The following FAAH2 variants were observed in gnomAD, a reference collection of about 807,000 sequenced individuals.
FAAH2 encodes fatty-acid amide hydrolase 2.
In FAAH2, 60 loss-of-function variants were observed where a neutral mutation model predicts 36.9. The observed-to-expected ratio is 1.63, with a 90% confidence interval of 1.32 to 2.02. The LOEUF (loss-of-function observed/expected upper bound fraction) is 2.02. FAAH2 is among the 30% of genes most tolerant of loss of function. The pLI, the probability that FAAH2 is intolerant of heterozygous loss-of-function variation, is 0.00. For synonymous variants in FAAH2, 214 were observed against 143.8 expected, an observed-to-expected ratio of 1.49 and a Z score of -3.49; for missense variants, 689 against 397.5, an observed-to-expected ratio of 1.73 and a Z score of -6.23.
intron 5 of FAAH2, among the ~76,000 whole-genome samples, chrX:57,344,597 C>T (rs2053771358): frequency 9.0e-6 from 1 of 111,297 alleles, no homozygotes; most frequent in Non-Finnish European, 1.9e-5. Flanking sequence ...TGCCTAAATG[C>T]TCTGGCTAGG....
chrX:57,322,427 CT>C (rs1325199798), intron 3 of FAAH2, among the ~76,000 whole-genome samples: 40 of 111,312 alleles, frequency 3.6e-4, no homozygotes, highest in African/African-American at 1.0e-3. Flanking sequence ...TAGCCTTTAA[CT>C]TTTTTTTCTT....
the FAAH2 span, among the ~76,000 whole-genome samples, chrX:57,177,746 A>G: frequency 1.9e-5 from 2 of 105,168 alleles, no homozygotes; most frequent in African/African-American, 6.9e-5. Flanking sequence ...AGGGAAAAGA[A>G]GTCTACTTCT....
At chrX:57,221,409 C>T in the FAAH2 span, among the ~76,000 whole-genome samples, 1 of 111,034 alleles carries the variant, frequency 9.0e-6, no homozygotes, top group African/African-American at 3.3e-5. Flanking sequence ...GACACCACAC[C>T]CCTGTCCACA....
the FAAH2 span, among the ~76,000 whole-genome samples, chrX:57,123,567 G>A: frequency 8.9e-6 from 1 of 112,063 alleles, no homozygotes; most frequent in Non-Finnish European, 1.9e-5. Flanking sequence ...AGAACCCTGA[G>A]GAATCGCCAC....
chrX:57,469,439 G>A (rs1249125242), intron 10 of FAAH2, among the ~76,000 whole-genome samples: 1 of 110,930 alleles, frequency 9.0e-6, no homozygotes, highest in Non-Finnish European at 1.9e-5. Flanking sequence ...AAAAGGCAGG[G>A]GTTGCAATCC....
At chrX:57,138,450 C>T in the FAAH2 span, among the ~76,000 whole-genome samples, 13 of 109,575 alleles carry the variant, frequency 1.2e-4, no homozygotes, top group Non-Finnish European at 2.5e-4. Context: ...CATTTTTTAT[C>T]CATTTATTTA....
At chrX:57,300,248 C>G (rs2052307012) in intron 2 of FAAH2, among the ~76,000 whole-genome samples, 1 of 111,282 alleles carries the variant, frequency 9.0e-6, no homozygotes. Flanking sequence ...GGTACTGGTA[C>G]CAAAACAGAC....
At chrX:57,156,961 C>T in the FAAH2 span, among the ~76,000 whole-genome samples, 2 of 112,174 alleles carry the variant, frequency 1.8e-5, no homozygotes, top group South Asian at 3.7e-4. Flanking sequence ...CTGTAGATGG[C>T]GAATCCAGCC....
the FAAH2 span, among the ~76,000 whole-genome samples, chrX:57,218,580 A>G: frequency 9.0e-6 from 1 of 111,714 alleles, no homozygotes; most frequent in East Asian, 2.8e-4. Context: ...CCTTTTAGAT[A>G]TGTTGTTGGA....
chrX:57,189,335 C>A, the FAAH2 span, among the ~76,000 whole-genome samples: 2 of 110,152 alleles, frequency 1.8e-5, no homozygotes, highest in Admixed American at 9.8e-5. Context: ...TTAAAACATG[C>A]TCCTTTAACT....
At chrX:57,388,991 C>A (rs746805590) in intron 7 of FAAH2, among the ~76,000 whole-genome samples, 1 of 109,208 alleles carries the variant, frequency 9.2e-6, no homozygotes, top group Non-Finnish European at 1.9e-5. Context: ...CATTTTTTAC[C>A]TATTTACCTA....
intron 9 of FAAH2, among the ~76,000 whole-genome samples, chrX:57,448,224 G>A (rs2056719332): frequency 8.9e-6 from 1 of 112,027 alleles, no homozygotes; most frequent in Non-Finnish European, 1.9e-5. Flanking sequence ...GCCAGCCTTG[G>A]CCTTGAGAAG....
At chrX:57,437,879 A>ATATAAATACGTATATG (rs2056444898) in intron 8 of FAAH2, among the ~76,000 whole-genome samples, 1 of 103,355 alleles carries the variant, frequency 9.7e-6, no homozygotes, top group South Asian at 4.0e-4. Flanking sequence ...CTGTATACAT[A>ATATAAATACGTATATG]TATACATACG....
At chrX:57,243,409 C>A in the FAAH2 span, among the ~76,000 whole-genome samples, 3 of 112,444 alleles carry the variant, frequency 2.7e-5, no homozygotes, top group Non-Finnish European at 5.6e-5. Context: ...TAGGGACAGA[C>A]TGCCTCCTCA....
At chrX:57,226,978 G>A in the FAAH2 span, among the ~76,000 whole-genome samples, 1 of 111,272 alleles carries the variant, frequency 9.0e-6, no homozygotes, top group Non-Finnish European at 1.9e-5. Context: ...ATTTCTAAAA[G>A]TGTGTCCAAT....
chrX:57,142,809 A>G, the FAAH2 span, among the ~76,000 whole-genome samples: 6 of 111,765 alleles, frequency 5.4e-5, no homozygotes, highest in Admixed American at 5.7e-4. Flanking sequence ...ATATATATTT[A>G]CAATTATTAT....
At chrX:57,252,733 C>T in the FAAH2 span, among the ~76,000 whole-genome samples, 4 of 112,058 alleles carry the variant, frequency 3.6e-5, no homozygotes, top group African/African-American at 9.7e-5. Context: ...AACAAAAGGA[C>T]GTCTACACCA....
At chrX:57,440,306 A>T (rs1045514375) in intron 8 of FAAH2, among the ~76,000 whole-genome samples, 2 of 111,349 alleles carry the variant, frequency 1.8e-5, no homozygotes, top group African/African-American at 3.3e-5. Context: ...CTCCTAGAAG[A>T]GGTCCTTCAC....
chrX:57,204,507 AGCATCTG>A, the FAAH2 span, among the ~76,000 whole-genome samples: 7 of 112,059 alleles, frequency 6.2e-5, no homozygotes, highest in African/African-American at 2.3e-4. Flanking sequence ...TCTCTTCTTC[AGCATCTG>A]GCTCATGATA....
Sources: allele counts gnomAD v4.1 joint callset (sites outside exome capture counted in the v4.1 genomes callset), GRCh38; gene constraint gnomAD v4.1.1; transcripts MANE v1.5; gene names NCBI Gene and HGNC (gene_info 2026-07-23, HGNC 2026-07-21).